Variants in DENND1B observed in about 807,000 individuals in gnomAD.
DENND1B encodes DENN domain-containing protein 1B.
DENND1B carries 59 observed loss-of-function variants against 90.1 expected under a neutral mutation model. The observed-to-expected ratio is 0.65, with a 90% CI of 0.53 to 0.81. DENND1B has a LOEUF of 0.81. DENND1B is among the 40% of genes least tolerant of loss of function. The pLI, the probability that DENND1B is intolerant of heterozygous loss-of-function variation, is 0.00. For synonymous variants in DENND1B, 337 were observed against 324.6 expected, an observed-to-expected ratio of 1.04 and a Z score of -0.41; for missense variants, 862 against 912.6, an observed-to-expected ratio of 0.94 and a Z score of 0.71.
rs1166228136 is a variant in DENND1B, at chr1:197,617,712, A to G, written c.720T>C (p.Tyr240=). 1.2e-6 allele frequency: 2 copies of G among 1,607,898 alleles called. No homozygotes were observed. Among genetic ancestry groups the G allele is most frequent in the South Asian group, 1.1e-5 (1 of 90,952 alleles). The change falls in exon 11 of 23, where the codon TAT becomes TAC. Residue 240 remains tyrosine, a synonymous_variant. Transcript: ENST00000620048. ...GCACTGGGATGTATATGTGTTGCCAATACATTGGGTATAGAAGAGCAGCTG... is the reference window on the plus strand; with the variant it reads ...GCACTGGGATGTATATGTGTTGCCAGTACATTGGGTATAGAAGAGCAGCTG... ...HGSAALLYPM[Y]WQHIYIPVLP...
At chr1:197,564,844 G>T (rs1329189428) in intron 15 of DENND1B, among the ~76,000 whole-genome samples, 1 of 151,816 alleles carries the variant, frequency 6.6e-6, no homozygotes, top group Non-Finnish European at 1.5e-5. Flanking sequence ...AAGAGAGCAA[G>T]CAGTCTGAGA....
intron 11 of DENND1B, among the ~76,000 whole-genome samples, 193 bp from the exon 12 acceptor site, chr1:197,612,169 T>C (rs1572063243): frequency 6.6e-6 from 1 of 150,666 alleles, no homozygotes. Flanking sequence ...ATATTTAAAA[T>C]TAAGATTGCT....
At chr1:197,737,059 C>A (rs1662763683) in intron 2 of DENND1B, among the ~76,000 whole-genome samples, 1 of 152,178 alleles carries the variant, frequency 6.6e-6, no homozygotes, top group Non-Finnish European at 1.5e-5. Flanking sequence ...CTAAATCATA[C>A]TTCATCTTTG....
intron 20 of DENND1B, among the ~76,000 whole-genome samples, chr1:197,519,780 C>A (rs983116201): frequency 6.6e-6 from 1 of 151,682 alleles, no homozygotes; most frequent in Non-Finnish European, 1.5e-5. Flanking sequence ...AGTGGTGGGA[C>A]AATCAGGGCA....
At chr1:197,734,610 G>A (rs773009633) in intron 2 of DENND1B, 69 of 982,354 alleles carry the variant, frequency 7.0e-5, no homozygotes, top group Admixed American at 6.2e-4. Context: ...CATTACATTC[G>A]TAATTTAAAA....
rs767881202 is a variant in DENND1B at position 197,553,100 on chromosome 1, G to A, written c.1162C>T (p.Arg388Ter). ...LQLFKQFIDG[R>*]LAKLNAGRGF... ...CTTCCTGCATTTAGTTTTGCCAGTC[G>A]ACCATCGATAAACTAGAATTAAAAA... is the stretch of plus-strand genomic sequence containing the variant. The change falls in exon 16 of 23, where the codon CGA becomes TGA. Residue 388 changes from arginine (R) to a stop codon, truncating the protein, a stop_gained. Coordinates refer to ENST00000620048, the MANE Select transcript of DENND1B (RefSeq NM_001195215.2). LOFTEE classifies it high-confidence loss of function. 12 of 1,518,886 alleles carry A rather than the reference G, an allele frequency of 7.9e-6. No homozygotes were observed. Among genetic ancestry groups the A allele is most frequent in the African/African-American group, 1.4e-5 (1 of 69,622 alleles). The allele number at this position is 1,518,886 out of a possible 1,614,324, so 94.1% of individuals were successfully genotyped here. A position where few individuals can be genotyped will look rare whatever the true frequency, so the allele number is the denominator to read the frequency against.
chr1:197,607,987 A>G (rs147704793), intron 12 of DENND1B, among the ~76,000 whole-genome samples: 52 of 150,716 alleles, frequency 3.5e-4, no homozygotes, highest in African/African-American at 1.3e-3. Flanking sequence ...TTATTCCTTA[A>G]TAAGTGCTCA....
At chr1:197,658,461 G>T in intron 5 of DENND1B, 92 bp from the exon 6 acceptor site, 1 of 883,564 alleles carries the variant, frequency 1.1e-6, no homozygotes, top group Non-Finnish European at 1.7e-6. Flanking sequence ...ATTCAAACAG[G>T]TTAATCCTGG....
intron 13 of DENND1B, among the ~76,000 whole-genome samples, chr1:197,596,818 A>G (rs1211757705): frequency 6.6e-6 from 1 of 151,966 alleles, no homozygotes; most frequent in Non-Finnish European, 1.5e-5. Flanking sequence ...TGCTAATGAG[A>G]AATGAACACA....
rs542289713 is a variant in DENND1B at position 197,540,060 on chromosome 1, T to A, written c.1419A>T (p.Glu473Asp). 6.2e-6 allele frequency: 10 copies of A among 1,604,902 alleles called. No homozygotes were observed. The highest frequency in any genetic ancestry group is 2.3e-5 in the South Asian group (2 of 88,818). ...CAGAACTAGAACAGGTCCCATAATC[T>A]TCTTCATTTTCCTACACATGAAAAA... The part of the protein sequence containing the change: ...KSKLKHKENE[E>D]DYGTCSSSVQ... Residue 473 changes from glutamate (E) to aspartate (D), a missense_variant, in exon 20 of 23, where the codon GAA (glutamate) becomes GAT (aspartate). Coordinates refer to ENST00000620048, the MANE Select transcript of DENND1B (RefSeq NM_001195215.2).
At chr1:197,526,023 A>T (rs1224114847) in intron 20 of DENND1B, among the ~76,000 whole-genome samples, 2 of 152,112 alleles carry the variant, frequency 1.3e-5, no homozygotes, top group East Asian at 3.8e-4. Flanking sequence ...ATAGGCGCAC[A>T]GGCCAACTTA....
At chr1:197,660,360 C>CA (rs1277881255) in intron 5 of DENND1B, among the ~76,000 whole-genome samples, 2 of 151,482 alleles carry the variant, frequency 1.3e-5, no homozygotes, top group Admixed American at 6.6e-5. Context: ...ATGTTCATAA[C>CA]AAAAAAGATA....
At chr1:197,649,081 A>G (rs1304883310) in intron 7 of DENND1B, among the ~76,000 whole-genome samples, 2 of 152,224 alleles carry the variant, frequency 1.3e-5, no homozygotes, top group Admixed American at 6.5e-5. Flanking sequence ...ACAAAGTTGA[A>G]GACTGAGCAA....
intron 15 of DENND1B, among the ~76,000 whole-genome samples, chr1:197,580,647 CAT>C (rs999855574): frequency 2.0e-5 from 3 of 151,844 alleles, no homozygotes; most frequent in South Asian, 2.1e-4. Flanking sequence ...TGCAGACTGA[CAT>C]GTGGTTATTT....
At chr1:197,688,031 T>G (rs550235861) in intron 3 of DENND1B, among the ~76,000 whole-genome samples, 82 of 152,168 alleles carry the variant, frequency 5.4e-4, no homozygotes, top group African/African-American at 1.9e-3. Flanking sequence ...AACATCAAAC[T>G]ATTTGAAAAG....
At chr1:197,653,861 T>C (rs966031040) in intron 6 of DENND1B, among the ~76,000 whole-genome samples, 1 of 152,178 alleles carries the variant, frequency 6.6e-6, no homozygotes, top group African/African-American at 2.4e-5. Context: ...GAATTCCACA[T>C]GTACATTCAC....
At chr1:197,715,938 C>T (rs1199556938) in intron 2 of DENND1B, among the ~76,000 whole-genome samples, 1 of 131,924 alleles carries the variant, frequency 7.6e-6, no homozygotes, top group Non-Finnish European at 1.6e-5. Flanking sequence ...TTCTTCTGGG[C>T]AAAAAAAAAA....
At chr1:197,612,014 T>A (rs779333511) in intron 11 of DENND1B, 38 bp from the exon 12 acceptor site, 2 of 1,495,934 alleles carry the variant, frequency 1.3e-6, no homozygotes, top group Non-Finnish European at 1.8e-6. Flanking sequence ...ATTCATATAG[T>A]TCATTAAAAC....
In DENND1B at chr1:197,553,060, A is replaced by C. The variant is rs959391043; in HGVS notation, c.1202T>G (p.Val401Gly). 9 of 1,564,908 alleles carry C rather than the reference A, an allele frequency of 5.8e-6. No homozygotes were observed. Among genetic ancestry groups the C allele is most frequent in the Non-Finnish European group, 7.7e-6 (9 of 1,162,340 alleles). ...ACCTGAAGTGATCTCTTCTTCAAAT[A>C]CATCAGAGAAACCCCTTCCTGCATT... ...KLNAGRGFSD[V>G]FEEEITSGGF... Residue 401 changes from valine (V) to glycine (G), a missense_variant, in exon 16 of 23, where the codon GTA becomes GGA. Coordinates refer to ENST00000620048, the MANE Select transcript of DENND1B (RefSeq NM_001195215.2).
Sources: allele counts gnomAD v4.1 joint callset (sites outside exome capture counted in the v4.1 genomes callset), GRCh38; gene constraint gnomAD v4.1.1; transcripts MANE v1.5; gene names NCBI Gene and HGNC (gene_info 2026-07-23, HGNC 2026-07-21).